The following RFX3 variants were observed in gnomAD, a reference collection of about 807,000 sequenced individuals.
RFX3 encodes transcription factor RFX3.
A neutral mutation model predicts 98.6 loss-of-function variants in RFX3; 14 were observed. That is an observed-to-expected ratio of 0.14 (90% CI 0.09 to 0.22). The LOEUF is 0.22. Among genes scored for constraint, RFX3 ranks in the 10% least tolerant of loss-of-function variants. RFX3 has a pLI of 1.00. For missense variants in RFX3, 639 were observed against 926.9 expected, an observed-to-expected ratio of 0.69 and a Z score of 4.03; for synonymous variants, 383 against 328.4, an observed-to-expected ratio of 1.17 and a Z score of -1.80.
At position 3,220,317 on chromosome 9, in the gene RFX3, T is replaced by C. The variant is rs928758354; in HGVS notation, c.*4725A>G. ...ACTTTCTAAAGCTAAATAAATGAGA[T>C]CTTTTGATTCATTTTGGGAAAAAAA... On this transcript the variant is annotated 3_prime_UTR_variant, in exon 17 of 17. Transcript: ENST00000617270. The C allele has an allele frequency of 6.6e-6, 1 of 151,500 alleles. No individual in the cohort carries two copies. The highest frequency in any genetic ancestry group is 2.4e-5 in the African/African-American group (1 of 40,966). The allele number at this position is 151,500 out of a possible 1,614,324, so 9.4% of individuals were successfully genotyped here.
rs79166631 is a variant in RFX3, at chr9:3,508,862, T to C, written c.-9+16885A>G. On this transcript the variant is annotated intron_variant, in intron 1 of 16. Coordinates refer to ENST00000617270, the MANE Select transcript of RFX3 (RefSeq NM_001282116.2). Reference sequence around the variant, plus strand: ...TCTTAAATTGACTGTTTCAAATAATTAACAGGGTTAGGGCTCAAACTGCTC... The same window carrying C: ...TCTTAAATTGACTGTTTCAAATAATCAACAGGGTTAGGGCTCAAACTGCTC... Among the ~76,000 whole-genome samples the C allele has an allele frequency of 5.5e-3, 843 of 152,040 alleles. 3 individuals carry two copies. Among genetic ancestry groups the C allele is most frequent in the African/African-American group, 0.019 (803 of 41,524 alleles).
At chr9:3,478,583 T>C (rs759783022) in intron 1 of RFX3, among the ~76,000 whole-genome samples, 1 of 152,158 alleles carries the variant, frequency 6.6e-6, no homozygotes, top group Non-Finnish European at 1.5e-5. Context: ...TGAGAAGTCA[T>C]ACCTTCAAAC....
At chr9:3,377,058 T>C (rs1838620976) in intron 2 of RFX3, among the ~76,000 whole-genome samples, 1 of 152,182 alleles carries the variant, frequency 6.6e-6, no homozygotes, top group South Asian at 2.1e-4. Context: ...GATCTAGAAC[T>C]AGAAATACCA....
At chr9:3,240,186 G>C (rs868400488) in intron 15 of RFX3, among the ~76,000 whole-genome samples, 7 of 152,310 alleles carry the variant, frequency 4.6e-5, no homozygotes, top group Middle Eastern at 3.4e-3. Context: ...CTTCCAAGTT[G>C]TTATCAAGAC....
chr9:3,262,813 C>T, intron 13 of RFX3, 122 bp downstream of exon 13: 3 of 1,022,430 alleles, frequency 2.9e-6, no homozygotes, highest in Middle Eastern at 2.3e-4. Context: ...TTTCAGAACA[C>T]TGTGAATATA....
At chr9:3,375,930 A>G (rs1564008972) in intron 2 of RFX3, among the ~76,000 whole-genome samples, 1 of 152,166 alleles carries the variant, frequency 6.6e-6, no homozygotes, top group Non-Finnish European at 1.5e-5. Context: ...ACTGCACTCC[A>G]GCCTGGGTGA....
At chr9:3,478,526 A>G (rs1047266570) in intron 1 of RFX3, among the ~76,000 whole-genome samples, 1 of 151,866 alleles carries the variant, frequency 6.6e-6, no homozygotes, top group Non-Finnish European at 1.5e-5. Context: ...AGATTTCCTT[A>G]AATGCTTTGC....
chr9:3,416,520 G>A (rs1240827904), intron 1 of RFX3, among the ~76,000 whole-genome samples: 2 of 152,122 alleles, frequency 1.3e-5, no homozygotes, highest in African/African-American at 4.8e-5. Context: ...GCCAATAGAA[G>A]GGCATCTGAA....
chr9:3,438,839 T>C (rs1845384283), intron 1 of RFX3, among the ~76,000 whole-genome samples: 1 of 151,966 alleles, frequency 6.6e-6, no homozygotes, highest in Non-Finnish European at 1.5e-5. Flanking sequence ...GACGACATAA[T>C]AATTTTAAAT....
At chr9:3,328,548 A>C (rs1360034102) in intron 4 of RFX3, among the ~76,000 whole-genome samples, 1 of 152,150 alleles carries the variant, frequency 6.6e-6, no homozygotes, top group Non-Finnish European at 1.5e-5. Flanking sequence ...AGAGACAACA[A>C]ATACACATAA....
intron 15 of RFX3, chr9:3,247,825 A>T (rs1820884014): frequency 1.3e-5 from 21 of 1,605,710 alleles, no homozygotes; most frequent in Admixed American, 1.7e-5. Context: ...TTCACATGAT[A>T]TAATCCACAA....
chr9:3,457,986 T>G (rs1847345666), intron 1 of RFX3, among the ~76,000 whole-genome samples: 1 of 152,154 alleles, frequency 6.6e-6, no homozygotes, highest in African/African-American at 2.4e-5. Context: ...ATGAAATAGC[T>G]GCTTAAGTCT....
At chr9:3,243,330 C>A (rs1312094832) in intron 15 of RFX3, among the ~76,000 whole-genome samples, 165 of 146,468 alleles carry the variant, frequency 1.1e-3, no homozygotes, top group South Asian at 1.1e-3. Context: ...ATCATTTAGG[C>A]AAAAAAAAAA....
At chr9:3,339,143 A>G (rs573522318) in intron 3 of RFX3, among the ~76,000 whole-genome samples, 4 of 152,158 alleles carry the variant, frequency 2.6e-5, no homozygotes, top group African/African-American at 9.6e-5. Flanking sequence ...AAAAAACCCC[A>G]AAGTCTACTG....
intron 8 of RFX3, 117 bp downstream of exon 8, chr9:3,277,223 T>C (rs1443179563): frequency 8.4e-6 from 8 of 957,278 alleles, no homozygotes; most frequent in Non-Finnish European, 1.3e-5. Flanking sequence ...TGCATAATTT[T>C]GGCACCAAAA....
intron 4 of RFX3, among the ~76,000 whole-genome samples, chr9:3,303,469 G>C (rs117435016): frequency 6.6e-6 from 1 of 151,706 alleles, no homozygotes; most frequent in Non-Finnish European, 1.5e-5. Flanking sequence ...AGAATTTGAG[G>C]TAAGATTTCA....
At chr9:3,525,324 G>A (rs1819155704) in intron 1 of RFX3, among the ~76,000 whole-genome samples, 1 of 152,146 alleles carries the variant, frequency 6.6e-6, no homozygotes, top group South Asian at 2.1e-4. Context: ...CAGCAGCGTT[G>A]GAAAAGAAGA....
intron 2 of RFX3, among the ~76,000 whole-genome samples, chr9:3,385,950 A>G (rs1839671307): frequency 1.3e-5 from 2 of 152,104 alleles, no homozygotes; most frequent in South Asian, 2.1e-4. Context: ...AGGTATCTTT[A>G]TTGAGAAATT....
At chr9:3,358,262 C>T (rs10971534) in intron 2 of RFX3, among the ~76,000 whole-genome samples, 26,704 of 151,852 alleles carry the variant, frequency 0.18, 4,930 homozygotes, top group African/African-American at 0.47. Flanking sequence ...TCTTGAATAA[C>T]TGGTAAAATT....
Sources: gnomAD v4.1 joint callset for allele counts (sites outside exome capture counted in the v4.1 genomes callset) on GRCh38, gnomAD v4.1.1 for gene constraint, MANE v1.5 for transcripts, NCBI Gene and HGNC (gene_info 2026-07-23, HGNC 2026-07-21) for gene names.